VPS8: variants seen among roughly 807,000 people sequenced by gnomAD.
VPS8 encodes vacuolar protein sorting-associated protein 8 homolog.
Under a neutral mutation model 216.4 loss-of-function variants are expected in VPS8, and 129 were observed. The observed-to-expected ratio is 0.60, with a 90% CI of 0.52 to 0.69. The LOEUF is 0.69. VPS8 is among the 30% of genes least tolerant of loss of function. The probability of loss-of-function intolerance (pLI) is 0.00; values close to 1 mark genes in which losing one functional copy is unlikely to be tolerated. For missense variants in VPS8, 1,531 were observed against 1,683.5 expected, an observed-to-expected ratio of 0.91 and a Z score of 1.59; for synonymous variants, 571 against 565.4, an observed-to-expected ratio of 1.01 and a Z score of -0.14.
chr3:184,849,291 A>T (rs79701655), intron 9 of VPS8, 96 bp downstream of exon 9: 56,880 of 1,378,738 alleles, frequency 0.041, 1,337 homozygotes, highest in Non-Finnish European at 0.047. Context: ...AATACGTGTT[A>T]TGAAGTAATA....
Position 184,915,051 on chromosome 3 carries a change from C to T in VPS8, c.2260C>T (p.Gln754Ter). ...PEDLVPLVKNQVFEFLIRLHS... is the reference protein window; with the variant it reads ...PEDLVPLVKN ...AGATCTGGTTCCCTTGGTTAAAAAC[C>T]AGGTTGGTACTATTTTTATAGCCTT... Residue 754 changes from glutamine (Q) to a stop codon, truncating the protein, a stop_gained and splice_region_variant, in exon 27 of 48, where the codon CAG (glutamine) becomes TAG (stop). Transcript: ENST00000625842. LOFTEE classifies it high-confidence loss of function. 1.2e-6 allele frequency: 2 copies of T among 1,613,800 alleles called. No homozygotes were observed. The highest frequency in any genetic ancestry group is 1.7e-6 in the Non-Finnish European group (2 of 1,179,712).
chr3:184,999,840 G>C lies in VPS8; in HGVS notation c.3981G>C (p.Lys1327Asn), dbSNP rs780202717. Residue 1327 changes from lysine (K) to asparagine (N), a missense_variant, in exon 45 of 48, where the codon AAG becomes AAC. Coordinates refer to ENST00000625842, the MANE Select transcript of VPS8 (RefSeq NM_001009921.3). ...KLSENSSEIK[K>N]GRITPSQVKM... ...GTGAAAATTCATCTGAAATTAAAAA[G>C]GGAAGGATAACCCCATCACAGGTAA... is the stretch of plus-strand genomic sequence containing the variant. The C allele has an allele frequency of 6.2e-7, 1 of 1,611,492 alleles. No homozygotes were observed. The highest frequency in any genetic ancestry group is 2.2e-5 in the East Asian group (1 of 44,834).
intron 36 of VPS8, among the ~76,000 whole-genome samples, chr3:184,944,834 A>G (rs1037620251): frequency 2.0e-5 from 3 of 152,208 alleles, no homozygotes; most frequent in Admixed American, 6.5e-5. Flanking sequence ...ATGGTTATGC[A>G]TTGGATTTTA....
At chr3:184,878,518 T>C (rs1273911008) in intron 21 of VPS8, among the ~76,000 whole-genome samples, 4 of 152,208 alleles carry the variant, frequency 2.6e-5, no homozygotes, top group African/African-American at 9.6e-5. Flanking sequence ...GTAGCAGCTG[T>C]AGGCATATAT....
chr3:184,832,683 A>T lies in VPS8; in HGVS notation c.223-6A>T, dbSNP rs1406123143. 1 of 1,594,772 alleles carries T rather than the reference A, an allele frequency of 6.3e-7. No homozygotes were observed. Among genetic ancestry groups the T allele is most frequent in the Non-Finnish European group, 8.6e-7 (1 of 1,169,102 alleles). ...GAATGTATTGATTTATCTTCTTCCA[A>T]TTTAGACTGATGATGAAGATGAGTC... On this transcript the variant is annotated splice_region_variant and splice_polypyrimidine_tract_variant and intron_variant, in intron 3 of 47. Transcript: ENST00000625842.
intron 21 of VPS8, among the ~76,000 whole-genome samples, chr3:184,883,549 C>T (rs894935723): frequency 7.2e-5 from 11 of 152,164 alleles, no homozygotes; most frequent in Non-Finnish European, 1.6e-4. Flanking sequence ...ATCAATCTGT[C>T]ACCAAACCCT....
At chr3:184,837,150 C>T (rs1721249487) in intron 5 of VPS8, among the ~76,000 whole-genome samples, 1 of 152,120 alleles carries the variant, frequency 6.6e-6, no homozygotes, top group Admixed American at 6.5e-5. Flanking sequence ...ACCCACTACC[C>T]TCAGATATTG....
At chr3:185,002,369 A>G (rs1358501478) in intron 45 of VPS8, among the ~76,000 whole-genome samples, 1 of 152,220 alleles carries the variant, frequency 6.6e-6, no homozygotes, top group Non-Finnish European at 1.5e-5. Flanking sequence ...TCTTGCAGTG[A>G]AGAAAGGTAA....
chr3:184,902,252 C>T (rs1041005388), intron 25 of VPS8, among the ~76,000 whole-genome samples: 28 of 151,748 alleles, frequency 1.8e-4, no homozygotes, highest in Admixed American at 1.8e-3. Flanking sequence ...CCCAGGCAGG[C>T]GGATCATGAG....
In VPS8 at chr3:184,832,944, T is replaced by C. The variant is rs1284092403; in HGVS notation, c.353+125T>C. ...CCTTGCATGGGAAGTAGAAGGGATATAATATCTTGAAAATTTTGGTACCAT... is the reference window on the plus strand; with the variant it reads ...CCTTGCATGGGAAGTAGAAGGGATACAATATCTTGAAAATTTTGGTACCAT... On this transcript the variant is annotated intron_variant, in intron 4 of 47. Coordinates refer to ENST00000625842, the MANE Select transcript of VPS8 (RefSeq NM_001009921.3). The C allele has an allele frequency of 3.1e-5, 37 of 1,210,962 alleles. 1 individual carries two copies. In the Admixed American group the frequency reaches 1.1e-3, roughly 36 times the overall value. The allele number at this position is 1,210,962 out of a possible 1,614,324, so 75.0% of individuals were successfully genotyped here.
intron 24 of VPS8, among the ~76,000 whole-genome samples, chr3:184,899,573 G>T (rs1047662779): frequency 5.3e-5 from 8 of 152,110 alleles, no homozygotes; most frequent in Admixed American, 2.0e-4. Flanking sequence ...GTTTGGCCCT[G>T]ATTGTCTGTT....
chr3:184,851,578 A>G (rs1560383757), intron 10 of VPS8, among the ~76,000 whole-genome samples: 2 of 152,078 alleles, frequency 1.3e-5, no homozygotes, highest in Non-Finnish European at 2.9e-5. Flanking sequence ...AAGTTCTGTT[A>G]TTTTTCCTGC....
At chr3:184,864,116 C>T (rs1484037582) in intron 16 of VPS8, among the ~76,000 whole-genome samples, 3 of 142,994 alleles carry the variant, frequency 2.1e-5, no homozygotes, top group East Asian at 4.1e-4. Context: ...TGAAATAACC[C>T]AGGAAGAGGA....
chr3:184,929,445 C>T, intron 32 of VPS8, 135 bp from the exon 33 acceptor site: 1 of 600,732 alleles, frequency 1.7e-6, no homozygotes, highest in Non-Finnish European at 2.9e-6. Context: ...TTGCCTCAGC[C>T]TCCCAAAGTG....
rs182069471 is a variant in VPS8, at chr3:184,924,769, A to G, written c.2455-93A>G. 2,058 of 1,435,136 alleles carry G rather than the reference A, an allele frequency of 1.4e-3. 1 individual carries two copies. Among genetic ancestry groups the G allele is most frequent in the Admixed American group, 1.8e-3 (66 of 36,624 alleles). 88.9% of individuals were successfully genotyped at this position (1,435,136 alleles called of 1,614,324 possible). A position where few individuals can be genotyped will look rare whatever the true frequency, so the allele number is the denominator to read the frequency against. ...TAAAAGAATCTTTTTACGCGTCTTCAGTCATGAGGCTATCCCGTCTTCTAA... is the reference window on the plus strand; with the variant it reads ...TAAAAGAATCTTTTTACGCGTCTTCGGTCATGAGGCTATCCCGTCTTCTAA... On this transcript the variant is annotated intron_variant, in intron 29 of 47. Transcript: ENST00000625842.
rs1389867732 is a variant in VPS8, at chr3:184,996,272, CTCTA to C, written c.3667-56_3667-53del. On this transcript the variant is annotated intron_variant, in intron 43 of 47. Transcript: ENST00000625842. ...ACAAGTGCTATTCACCATTCATCTC[CTCTA>C]TCTCTTTCATCTTATAACCTTTTGT... 1.1e-5 allele frequency: 16 copies of C among 1,504,288 alleles called. No homozygotes were observed. In the East Asian group the frequency reaches 3.7e-4, roughly 34 times the overall value. 93.2% of individuals were successfully genotyped at this position (1,504,288 alleles called of 1,614,324 possible).
At chr3:185,013,195 G>A (rs1454352906) in intron 45 of VPS8, among the ~76,000 whole-genome samples, 1 of 152,186 alleles carries the variant, frequency 6.6e-6, no homozygotes, top group African/African-American at 2.4e-5. Context: ...GGGCGTCATG[G>A]CCATCATGAG....
intron 45 of VPS8, among the ~76,000 whole-genome samples, chr3:185,022,007 C>T (rs1285460010): frequency 2.0e-5 from 3 of 152,140 alleles, no homozygotes; most frequent in Admixed American, 6.5e-5. Context: ...ACACAAATCT[C>T]ATCTTGAATT....
chr3:184,827,076 T>A (rs958490170), intron 3 of VPS8, among the ~76,000 whole-genome samples: 4 of 152,230 alleles, frequency 2.6e-5, no homozygotes, highest in Admixed American at 1.3e-4. Flanking sequence ...TAAATCTATT[T>A]CAAATCCGCA....
Sources: gnomAD v4.1 joint callset for allele counts (sites outside exome capture counted in the v4.1 genomes callset) on GRCh38, gnomAD v4.1.1 for gene constraint, MANE v1.5 for transcripts, NCBI Gene and HGNC (gene_info 2026-07-23, HGNC 2026-07-21) for gene names.